Variants in GPALPP1 observed in about 807,000 individuals in gnomAD.
The protein encoded by GPALPP1 is GPALPP motifs-containing protein 1.
A neutral mutation model predicts 38.9 loss-of-function variants in GPALPP1; 30 were observed. The ratio of observed to expected loss-of-function variants is 0.77; its 90% CI spans 0.58 to 1.05. The LOEUF (loss-of-function observed/expected upper bound fraction) is 1.05. Among genes scored for constraint, GPALPP1 ranks in the 50% least tolerant of loss-of-function variants. The probability of loss-of-function intolerance (pLI) is 0.00; values close to 1 mark genes in which losing one functional copy is unlikely to be tolerated. For synonymous variants in GPALPP1, 120 were observed against 139.2 expected (o/e 0.86, Z 0.97); for missense variants, 384 against 408.8 (o/e 0.94, Z 0.52).
At chr13:45,014,808 G>A (rs1874717052) in intron 4 of GPALPP1, 144 bp from the exon 5 acceptor site, 3 of 584,966 alleles carry the variant, frequency 5.1e-6, no homozygotes, top group South Asian at 3.4e-5. Context: ...AAGTCCTCAT[G>A]GTTCAGTGAT....
chr13:45,020,446 A>G lies in GPALPP1; in HGVS notation c.804+18A>G, dbSNP rs115283713. ...CATACAATGTAAGTAAGAAAATAAG[A>G]TATATAGAGCCAGGTGTGATGGCTC... is the stretch of plus-strand genomic sequence containing the variant. On this transcript the variant is annotated intron_variant, in intron 7 of 7. Transcript: ENST00000379151. 553 of 996,968 alleles carry G rather than the reference A, an allele frequency of 5.5e-4. No homozygotes were observed. The African/African-American group carries it at 8.0e-3, about 14-fold the overall frequency. The allele number at this position is 996,968 out of a possible 1,614,324, so 61.8% of individuals were successfully genotyped here. A position where few individuals can be genotyped will look rare whatever the true frequency, so the allele number is the denominator to read the frequency against.
downstream of GPALPP1, chr13:45,034,754 T>G (rs1303960954): frequency 6.8e-6 from 1 of 147,378 alleles, no homozygotes; most frequent in African/African-American, 2.5e-5. Context: ...TTTTTTTTTT[T>G]GAGACAGAGT....
chr13:45,019,068 A>C (rs1236887022), intron 6 of GPALPP1, among the ~76,000 whole-genome samples: 2 of 117,336 alleles, frequency 1.7e-5, no homozygotes, highest in Non-Finnish European at 3.3e-5. Flanking sequence ...TATACATATA[A>C]ATATATACAT....
At chr13:45,006,568 C>T (rs1874116594) in intron 3 of GPALPP1, among the ~76,000 whole-genome samples, 1 of 152,160 alleles carries the variant, frequency 6.6e-6, no homozygotes, top group African/African-American at 2.4e-5. Flanking sequence ...CGAGGTGGAT[C>T]ACCCCTCTCC....
intron 1 of GPALPP1, among the ~76,000 whole-genome samples, chr13:44,993,893 T>C (rs1873047437): frequency 6.6e-6 from 1 of 151,770 alleles, no homozygotes; most frequent in African/African-American, 2.4e-5. Flanking sequence ...CCTTAACGAT[T>C]AGTGATGTTG....
intron 7 of GPALPP1, among the ~76,000 whole-genome samples, chr13:45,027,299 G>GA (rs371572605): frequency 3.3e-4 from 50 of 151,586 alleles, no homozygotes; most frequent in African/African-American, 1.1e-3. Flanking sequence ...TAGCTAAGAA[G>GA]AAAAAAAATT....
In GPALPP1 at chr13:45,025,993, C is replaced by G. The variant is rs187786868; in HGVS notation, c.805-1792C>G. Among the ~76,000 whole-genome samples, 1,382 of 151,252 alleles carry G rather than the reference C, an allele frequency of 9.1e-3. 9 individuals are homozygous for G. Among genetic ancestry groups the G allele is most frequent in the Non-Finnish European group, 0.015 (1,010 of 67,936 alleles). On this transcript the variant is annotated intron_variant, in intron 7 of 7. Coordinates refer to ENST00000379151, the MANE Select transcript of GPALPP1 (RefSeq NM_018559.5). Reference sequence around the variant, plus strand: ...CCATGTTGGTCAGGCTGGTCTCGAACTCCCGACCTCAGGTGATCCACCCAC... The same window carrying G: ...CCATGTTGGTCAGGCTGGTCTCGAAGTCCCGACCTCAGGTGATCCACCCAC...
At chr13:45,001,499 C>T (rs1264539669) in intron 1 of GPALPP1, among the ~76,000 whole-genome samples, 1 of 152,100 alleles carries the variant, frequency 6.6e-6, no homozygotes. Flanking sequence ...CCCTCCCAGC[C>T]TATTTTCTTC....
At chr13:45,002,393 A>G (rs1873756237) in intron 1 of GPALPP1, 1 of 152,238 alleles carries the variant, frequency 6.6e-6, no homozygotes, top group South Asian at 2.1e-4. Flanking sequence ...GTGGGATCGC[A>G]CCTGTGAAAA....
chr13:45,013,463 C>T (rs1386434528), intron 4 of GPALPP1, among the ~76,000 whole-genome samples: 1 of 152,186 alleles, frequency 6.6e-6, no homozygotes, highest in Non-Finnish European at 1.5e-5. Flanking sequence ...GTGTCATGTC[C>T]ATGCCTAAAC....
Position 45,011,699 on chromosome 13 carries a change from TG to T in GPALPP1, c.408+2824del, listed in dbSNP as rs200551340. ...ACTGCAATTCAAGATGAGATTTGGG[TG>T]GGGACACAGCCAAACCATATCAGCA... On this transcript the variant is annotated intron_variant, in intron 4 of 7. Transcript: ENST00000379151. 6.4e-3 allele frequency among the ~76,000 whole-genome samples: 980 copies of T among 152,278 alleles called. 12 individuals carry two copies. The highest frequency in any genetic ancestry group is 0.022 in the African/African-American group (928 of 41,556).
chr13:45,017,677 A>G (rs1035124030), intron 6 of GPALPP1, among the ~76,000 whole-genome samples: 5 of 152,136 alleles, frequency 3.3e-5, no homozygotes, highest in African/African-American at 1.2e-4. Context: ...TCCTTGGAGG[A>G]AAATATCATG....
intron 6 of GPALPP1, among the ~76,000 whole-genome samples, chr13:45,016,325 G>A (rs922821421): frequency 1.3e-5 from 2 of 152,054 alleles, no homozygotes; most frequent in African/African-American, 2.4e-5. Flanking sequence ...GCGGTGGCAT[G>A]TGCCTATAAT....
chr13:45,006,168 A>C (rs778830525), intron 2 of GPALPP1, 34 bp from the exon 3 acceptor site: 1 of 1,247,812 alleles, frequency 8.0e-7, no homozygotes, highest in South Asian at 1.3e-5. Context: ...AAATTTTGAC[A>C]TATATGCATA....
chr13:44,995,908 A>G (rs1341469330), intron 1 of GPALPP1, among the ~76,000 whole-genome samples: 1 of 152,066 alleles, frequency 6.6e-6, no homozygotes, highest in African/African-American at 2.4e-5. Flanking sequence ...GGCTTTCTCT[A>G]TCTGTAGTTA....
chr13:44,998,612 C>T (rs562004692), intron 1 of GPALPP1, among the ~76,000 whole-genome samples: 1 of 152,338 alleles, frequency 6.6e-6, no homozygotes, highest in African/African-American at 2.4e-5. Context: ...CTGGACTACT[C>T]TTCGTCCAGT....
downstream of GPALPP1, chr13:45,031,893 A>T (rs1395944847): frequency 6.6e-6 from 1 of 152,216 alleles, no homozygotes; most frequent in Non-Finnish European, 1.5e-5. Flanking sequence ...TTCTTGGCCA[A>T]GTGTCATAGG....
At chr13:44,992,013 T>TG (rs1208646136) in intron 1 of GPALPP1, among the ~76,000 whole-genome samples, 1 of 152,270 alleles carries the variant, frequency 6.6e-6, no homozygotes, top group African/African-American at 2.4e-5. Flanking sequence ...TTACGTTGGA[T>TG]GAACATTTGA....
At chr13:44,993,974 C>T (rs1212289236) in intron 1 of GPALPP1, among the ~76,000 whole-genome samples, 4 of 151,680 alleles carry the variant, frequency 2.6e-5, no homozygotes, top group African/African-American at 9.7e-5. Context: ...TGGTTGTTTA[C>T]GCTTGTAATC....
Sources: allele counts gnomAD v4.1 joint callset (sites outside exome capture counted in the v4.1 genomes callset), GRCh38; gene constraint gnomAD v4.1.1; transcripts MANE v1.5; gene names NCBI Gene and HGNC (gene_info 2026-07-23, HGNC 2026-07-21).